The following ABCA4 variants were observed in gnomAD, a reference collection of about 807,000 sequenced individuals.
ABCA4 encodes ATP binding cassette subfamily A member 4, also known as retinal-specific phospholipid-transporting ATPase ABCA4.
In ABCA4, 196 loss-of-function variants were observed where a neutral mutation model predicts 263.7. That is an observed-to-expected ratio of 0.74 (90% CI 0.66 to 0.84). The LOEUF (loss-of-function observed/expected upper bound fraction) is 0.84. Among genes scored for constraint, ABCA4 ranks in the 40% least tolerant of loss-of-function variants. The probability of loss-of-function intolerance (pLI) is 0.00; values close to 1 mark genes in which losing one functional copy is unlikely to be tolerated. For synonymous variants in ABCA4, 1,133 were observed against 1,094.2 expected (o/e 1.04, Z -0.70); for missense variants, 2,792 against 2,855.1 (o/e 0.98, Z 0.50).
rs773682021 is a variant in ABCA4, at chr1:94,011,357, C to T, written c.5489G>A (p.Arg1830Lys). 3.1e-6 allele frequency: 5 copies of T among 1,614,112 alleles called. No homozygotes were observed. The highest frequency in any genetic ancestry group is 4.2e-6 in the Non-Finnish European group (5 of 1,180,014). Residue 1830 changes from arginine (R) to lysine (K), a missense_variant, in exon 39 of 50, where the codon AGG becomes AAG. Coordinates refer to ENST00000370225, the MANE Select transcript of ABCA4 (RefSeq NM_000350.3). ...GTGGGGGAAGACAATGAGCAGCTTC[C>T]TCAGCACGGCGTTGAACCTGAGCAG... ...RTLLRFNAVL[R>K]KLLIVFPHFC...
chr1:94,077,905 C>T lies in ABCA4; in HGVS notation c.1357-18G>A, dbSNP rs762053651. 2 of 1,604,430 alleles carry T rather than the reference C, an allele frequency of 1.2e-6. No homozygotes were observed. Among genetic ancestry groups the T allele is most frequent in the South Asian group, 2.2e-5 (2 of 90,904 alleles). On this transcript the variant is annotated intron_variant, in intron 10 of 49. Coordinates refer to ENST00000370225, the MANE Select transcript of ABCA4 (RefSeq NM_000350.3). ...AGGGTATCCTTGGGAAGAAGAAATACAGTCACTGCTCTGCTTAGAAATTCC... is the reference window on the plus strand; with the variant it reads ...AGGGTATCCTTGGGAAGAAGAAATATAGTCACTGCTCTGCTTAGAAATTCC...
chr1:94,082,402 G>T (rs1661724950), intron 7 of ABCA4, among the ~76,000 whole-genome samples: 1 of 152,180 alleles, frequency 6.6e-6, no homozygotes, highest in South Asian at 2.1e-4. Context: ...TTTGGGGATT[G>T]TTTGTACATT....
rs1307108997 is a variant in ABCA4 at position 94,015,737 on chromosome 1, A to C, written c.5312+2T>G. ...CATTAGCTAATGGCCCAAACGGCTT[A>C]CCCATACAGCAGGAGCAGTGCCACA... On this transcript the variant is annotated splice_donor_variant, in intron 37 of 49. Transcript: ENST00000370225. LOFTEE classifies it high-confidence loss of function. 1.2e-6 allele frequency: 2 copies of C among 1,612,612 alleles called. No individual in the cohort carries two copies. The highest frequency in any genetic ancestry group is 1.7e-6 in the Non-Finnish European group (2 of 1,179,070).
chr1:94,024,425 A>G (rs1024710875), intron 31 of ABCA4, among the ~76,000 whole-genome samples: 1 of 152,346 alleles, frequency 6.6e-6, no homozygotes, highest in African/African-American at 2.4e-5. Context: ...ATCAAAGATG[A>G]TAATTCACAG....
In ABCA4 at chr1:94,037,208, C is replaced by T. The variant is rs778645792; in HGVS notation, c.3750G>A (p.Leu1250=). The T allele has an allele frequency of 6.2e-7, 1 of 1,614,216 alleles. No individual in the cohort carries two copies. The highest frequency in any genetic ancestry group is 2.2e-5 in the East Asian group (1 of 44,880). Reference sequence around the variant, plus strand: ...GACCAAGGTCAGCCAGCGTCTCCTCCAGCTCTCTGAAAAGGCTGGCATATG... The same window carrying T: ...GACCAAGGTCAGCCAGCGTCTCCTCTAGCTCTCTGAAAAGGCTGGCATATG... ...HRAYASLFRE[L]EETLADLGLS... is the part of the protein sequence containing the mutation. Residue 1250 remains leucine (L), a synonymous_variant, in exon 25 of 50, where the codon CTG becomes CTA. Transcript: ENST00000370225.
At chr1:93,999,313 T>C (rs1659110584) in intron 47 of ABCA4, among the ~76,000 whole-genome samples, 1 of 152,220 alleles carries the variant, frequency 6.6e-6, no homozygotes, top group Admixed American at 6.5e-5. Context: ...CCCAAAGTGA[T>C]AGGATTACAG....
chr1:94,080,678 G>T lies in ABCA4; in HGVS notation c.899C>A (p.Thr300Asn), dbSNP rs61748544. 1.2e-6 allele frequency: 2 copies of T among 1,614,104 alleles called. No homozygotes were observed. The highest frequency in any genetic ancestry group is 1.7e-6 in the Non-Finnish European group (2 of 1,180,024). ...ACCACCATTCTGCATGAGGGGCCTG[G>T]TCACCCACAGCAAGTCCTGCATACT... Reference protein sequence around the residue: ...RPSMQDLLWVTRPLMQNGGPE... With the variant: ...RPSMQDLLWVNRPLMQNGGPE... Residue 300 changes from threonine to asparagine, a missense_variant, in exon 8 of 50, where the codon ACC becomes AAC. Coordinates refer to ENST00000370225, the MANE Select transcript of ABCA4 (RefSeq NM_000350.3).
chr1:94,008,462 G>A (rs371290446), intron 41 of ABCA4, among the ~76,000 whole-genome samples, 165 bp from the exon 42 acceptor site: 6 of 152,194 alleles, frequency 3.9e-5, no homozygotes, highest in Admixed American at 6.5e-5. Flanking sequence ...GAGACATCTC[G>A]AGGCTGACCC....
At chr1:94,055,545 G>T (rs2101068288) in intron 15 of ABCA4, among the ~76,000 whole-genome samples, 1 of 152,192 alleles carries the variant, frequency 6.6e-6, no homozygotes, top group South Asian at 2.1e-4. Flanking sequence ...CAAAAAACAT[G>T]AAACAATTCT....
At chr1:94,062,482 A>T in intron 13 of ABCA4, 95 bp downstream of exon 13, 1 of 1,491,158 alleles carries the variant, frequency 6.7e-7, no homozygotes, top group African/African-American at 1.4e-5. Flanking sequence ...CTCTCTAAAG[A>T]CATGGAAGCC....
Position 94,043,384 on chromosome 1 carries a change from C to T in ABCA4, c.3142G>A (p.Asp1048Asn). Residue 1048 changes from aspartate (D) to asparagine (N), a missense_variant, in exon 21 of 50, where the codon GAC (aspartate) becomes AAC (asparagine). By Grantham distance (23) the Asp-to-Asn change is conservative. Transcript: ENST00000370225. ...TTCCGCTTGTGGTGGAGGCCTGTGT[C>T]CTCCAACATGGCTTCCATCTCCAGC... ...AQLEMEAMLE[D>N]TGLHHKRNEE... 1 of 1,614,134 alleles carries T rather than the reference C, an allele frequency of 6.2e-7. No homozygotes were observed. Among genetic ancestry groups the T allele is most frequent in the Non-Finnish European group, 8.5e-7 (1 of 1,180,038 alleles).
intron 1 of ABCA4, among the ~76,000 whole-genome samples, chr1:94,120,363 A>T (rs887262406): frequency 6.6e-5 from 10 of 152,190 alleles, no homozygotes; most frequent in African/African-American, 2.4e-4. Flanking sequence ...AATGTGCGTG[A>T]TGGTTAATAA....
At chr1:94,088,532 T>C (rs1170293249) in intron 6 of ABCA4, among the ~76,000 whole-genome samples, 1 of 152,256 alleles carries the variant, frequency 6.6e-6, no homozygotes, top group Non-Finnish European at 1.5e-5. Context: ...TGTTCTGAAC[T>C]GACCACATCG....
chr1:94,016,800 C>G (rs1304312647), intron 36 of ABCA4, among the ~76,000 whole-genome samples: 1 of 152,130 alleles, frequency 6.6e-6, no homozygotes, highest in African/African-American at 2.4e-5. Flanking sequence ...CAATGGTGCT[C>G]CAGAGGCAAT....
At chr1:94,006,439 C>A (rs547205813) in intron 43 of ABCA4, among the ~76,000 whole-genome samples, 2 of 152,318 alleles carry the variant, frequency 1.3e-5, no homozygotes, top group East Asian at 3.9e-4. Flanking sequence ...CAGACTGTGC[C>A]TCACTTGGAC....
At chr1:94,002,047 C>T in intron 44 of ABCA4, 55 bp from the exon 45 acceptor site, 1 of 1,613,050 alleles carries the variant, frequency 6.2e-7, no homozygotes, top group Non-Finnish European at 8.5e-7. Context: ...CCCCAAACCT[C>T]CCCCAGTTCA....
chr1:94,012,451 T>G (rs1023344325), intron 38 of ABCA4, among the ~76,000 whole-genome samples: 1 of 152,210 alleles, frequency 6.6e-6, no homozygotes, highest in Admixed American at 6.5e-5. Flanking sequence ...ACTTATCACA[T>G]TCCCATGATT....
Position 94,103,084 on chromosome 1 carries a change from G to T in ABCA4, c.501C>A (p.Leu167=). The change falls in exon 5 of 50, where the codon CTC becomes CTA. Residue 167 remains leucine (L), a synonymous_variant. Coordinates refer to ENST00000370225, the MANE Select transcript of ABCA4 (RefSeq NM_000350.3). ...AGTCAGACAGGCCGATGTTTTTAATGAGAAATAGTGTCAGTGTTTCTTCAT... is the reference window on the plus strand; with the variant it reads ...AGTCAGACAGGCCGATGTTTTTAATTAGAAATAGTGTCAGTGTTTCTTCAT... The part of the protein sequence containing the change: ...LKDEETLTLF[L]IKNIGLSDSV... 1 of 1,614,128 alleles carries T rather than the reference G, an allele frequency of 6.2e-7. No individual in the cohort carries two copies. The highest frequency in any genetic ancestry group is 1.6e-4 in the Middle Eastern group (1 of 6,062).
intron 37 of ABCA4, among the ~76,000 whole-genome samples, chr1:94,015,401 C>A (rs1659702698): frequency 6.6e-6 from 1 of 152,066 alleles, no homozygotes; most frequent in Admixed American, 6.5e-5. Context: ...ACAGATTGGC[C>A]ACAGATGAGT....
Sources: allele counts gnomAD v4.1 joint callset (sites outside exome capture counted in the v4.1 genomes callset), GRCh38; gene constraint gnomAD v4.1.1; transcripts MANE v1.5; gene names NCBI Gene and HGNC (gene_info 2026-07-23, HGNC 2026-07-21).